Variants in SLC25A48 observed in about 807,000 individuals in gnomAD.
SLC25A48 encodes the protein solute carrier family 25 member 48.
SLC25A48 carries 29 observed loss-of-function variants against 32.2 expected under a neutral mutation model. The ratio of observed to expected loss-of-function variants is 0.90; its 90% CI spans 0.67 to 1.23. The LOEUF (loss-of-function observed/expected upper bound fraction) is 1.23, where lower values mean the gene tolerates loss of function less well. Ranked by LOEUF, SLC25A48 falls within the 50% of genes most tolerant of loss-of-function variation. The pLI, the probability that SLC25A48 is intolerant of heterozygous loss-of-function variation, is 0.00. For missense variants in SLC25A48, 399 were observed against 422.7 expected (o/e 0.94, Z 0.49); for synonymous variants, 164 against 172.3 (o/e 0.95, Z 0.38).
At chr5:135,664,563 A>G (rs114618300) in intron 3 of SLC25A48, among the ~76,000 whole-genome samples, 1,749 of 152,248 alleles carry the variant, frequency 0.011, 35 homozygotes, top group African/African-American at 0.04. Context: ...TACCCAATAT[A>G]CAGTTTTTTA....
At chr5:135,740,450 C>A (rs577421850) in intron 3 of SLC25A48, among the ~76,000 whole-genome samples, 1 of 151,956 alleles carries the variant, frequency 6.6e-6, no homozygotes, top group Non-Finnish European at 1.5e-5. Flanking sequence ...CTGCCTTGGG[C>A]GGGGGGTGCA....
intron 1 of SLC25A48, among the ~76,000 whole-genome samples, chr5:135,594,389 C>A (rs1038511715): frequency 4.6e-5 from 7 of 152,166 alleles, no homozygotes; most frequent in Non-Finnish European, 2.9e-5. Flanking sequence ...TAAGACACTG[C>A]GTGATGTGGT....
chr5:135,734,858 C>T (rs933536133), intron 3 of SLC25A48, among the ~76,000 whole-genome samples: 2 of 150,706 alleles, frequency 1.3e-5, no homozygotes, highest in Non-Finnish European at 3.0e-5. Context: ...AGGGGACGGA[C>T]TTAACCTCCA....
At chr5:135,866,565 G>A (rs929175871) in intron 4 of SLC25A48, among the ~76,000 whole-genome samples, 1 of 152,168 alleles carries the variant, frequency 6.6e-6, no homozygotes, top group Non-Finnish European at 1.5e-5. Context: ...ATTGGTACCT[G>A]TTAGGATTGG....
At chr5:135,867,004 C>T (rs1408804613) in intron 4 of SLC25A48, among the ~76,000 whole-genome samples, 1 of 151,736 alleles carries the variant, frequency 6.6e-6, no homozygotes, top group Admixed American at 6.6e-5. Context: ...GTACGTAATC[C>T]ATATCTATCC....
chr5:135,884,026 C>G (rs1203443656), intron 7 of SLC25A48, among the ~76,000 whole-genome samples: 2 of 152,170 alleles, frequency 1.3e-5, no homozygotes, highest in Non-Finnish European at 2.9e-5. Flanking sequence ...TTTCTCAGCA[C>G]AGTGCCGTGG....
At chr5:135,689,680 A>C (rs932826928) in intron 3 of SLC25A48, among the ~76,000 whole-genome samples, 13 of 152,168 alleles carry the variant, frequency 8.5e-5, no homozygotes, top group Admixed American at 7.9e-4. Flanking sequence ...GTGCCGACTC[A>C]TTTCCTTGTT....
chr5:135,656,417 T>A (rs1042815174), intron 3 of SLC25A48, among the ~76,000 whole-genome samples: 1 of 152,212 alleles, frequency 6.6e-6, no homozygotes, highest in East Asian at 1.9e-4. Flanking sequence ...CCCTGGGTCC[T>A]GGGTCCTGGT....
chr5:135,886,606 T>A (rs1227725621), intron 7 of SLC25A48, among the ~76,000 whole-genome samples: 4 of 21,230 alleles, frequency 1.9e-4, no homozygotes, highest in Admixed American at 4.4e-4. Context: ...TATATATATA[T>A]ATATATATAT....
Position 135,776,075 on chromosome 5 carries a change from C to T in SLC25A48, c.-520-36448C>T, listed in dbSNP as rs114005332. ...AAGAAGGTTATTACTCCAAATATCG[C>T]AGAAGGTGTACACGTCCCCTGTGAT... On this transcript the variant is annotated intron_variant, in intron 3 of 10. Transcript: ENST00000646290. Among the ~76,000 whole-genome samples the T allele has an allele frequency of 5.0e-3, 765 of 151,926 alleles. 7 individuals carry two copies. The highest frequency in any genetic ancestry group is 0.018 in the African/African-American group (727 of 41,460).
At chr5:135,688,048 C>T (rs931871338) in intron 3 of SLC25A48, among the ~76,000 whole-genome samples, 3 of 152,262 alleles carry the variant, frequency 2.0e-5, no homozygotes, top group African/African-American at 7.2e-5. Flanking sequence ...CCTTCCCCAG[C>T]CCCAGCAACC....
intron 3 of SLC25A48, among the ~76,000 whole-genome samples, chr5:135,762,489 G>A (rs1756086583): frequency 6.6e-6 from 1 of 152,154 alleles, no homozygotes; most frequent in Non-Finnish European, 1.5e-5. Context: ...TCTATTGAAA[G>A]ATATTGCTAA....
chr5:135,606,685 A>T (rs1229590233), intron 1 of SLC25A48, among the ~76,000 whole-genome samples: 1 of 152,216 alleles, frequency 6.6e-6, no homozygotes, highest in African/African-American at 2.4e-5. Flanking sequence ...CCTGGCACAC[A>T]GGCTGTGCTT....
chr5:135,782,888 A>G (rs1241088419), intron 3 of SLC25A48, among the ~76,000 whole-genome samples: 1 of 117,422 alleles, frequency 8.5e-6, no homozygotes, highest in Admixed American at 8.6e-5. Flanking sequence ...CCCCTGTGAC[A>G]TTGGTTCAAA....
At chr5:135,688,880 A>C (rs1205699288) in intron 3 of SLC25A48, among the ~76,000 whole-genome samples, 1 of 152,220 alleles carries the variant, frequency 6.6e-6, no homozygotes, top group African/African-American at 2.4e-5. Flanking sequence ...ATGTCCAACC[A>C]TATAATCAAA....
At chr5:135,603,091 A>G (rs889336587) in intron 1 of SLC25A48, among the ~76,000 whole-genome samples, 1 of 152,204 alleles carries the variant, frequency 6.6e-6, no homozygotes, top group Non-Finnish European at 1.5e-5. Context: ...TCCCCTGACC[A>G]AATCAAATAG....
At chr5:135,681,333 G>A (rs988905686) in intron 3 of SLC25A48, among the ~76,000 whole-genome samples, 6 of 152,102 alleles carry the variant, frequency 3.9e-5, no homozygotes, top group African/African-American at 1.4e-4. Context: ...CTTTTCTTCA[G>A]CAGTGTCTAA....
intron 3 of SLC25A48, among the ~76,000 whole-genome samples, chr5:135,754,207 G>A (rs578077020): frequency 1.6e-4 from 24 of 152,174 alleles, no homozygotes; most frequent in Non-Finnish European, 2.9e-4. Flanking sequence ...ATCACAGGGT[G>A]TACACTGTGT....
intron 3 of SLC25A48, among the ~76,000 whole-genome samples, chr5:135,793,510 G>A (rs760756047): frequency 6.6e-6 from 1 of 151,742 alleles, no homozygotes; most frequent in East Asian, 1.9e-4. Context: ...TGTTCACCAT[G>A]TTTGTATACC....
Sources: allele counts gnomAD v4.1 joint callset (sites outside exome capture counted in the v4.1 genomes callset), GRCh38; gene constraint gnomAD v4.1.1; transcripts MANE v1.5; gene names NCBI Gene and HGNC (gene_info 2026-07-23, HGNC 2026-07-21).